The following WDR64 variants were observed in gnomAD, a reference collection of about 807,000 sequenced individuals.
The protein encoded by WDR64 is WD repeat-containing protein 64.
WDR64 carries 112 observed loss-of-function variants against 139.3 expected under a neutral mutation model. The ratio of observed to expected loss-of-function variants is 0.80; its 90% CI spans 0.69 to 0.94. WDR64 has a LOEUF of 0.94. WDR64 is among the 40% of genes least tolerant of loss of function. WDR64 has a pLI of 0.00. For synonymous variants in WDR64, 444 were observed against 437.7 expected (o/e 1.01, Z -0.18); for missense variants, 1,206 against 1,293.1 (o/e 0.93, Z 1.03).
chr1:241,728,677 C>A (rs1356281279), intron 10 of WDR64, among the ~76,000 whole-genome samples: 1 of 152,140 alleles, frequency 6.6e-6, no homozygotes, highest in East Asian at 1.9e-4. Flanking sequence ...ATCTATTACA[C>A]CTGAAGAAGA....
chr1:241,740,859 C>T (rs1201105776), intron 11 of WDR64, among the ~76,000 whole-genome samples: 1 of 152,052 alleles, frequency 6.6e-6, no homozygotes, highest in Non-Finnish European at 1.5e-5. Context: ...TATTTCTAGA[C>T]ATTACACTAA....
intron 14 of WDR64, 64 bp from the exon 15 acceptor site, chr1:241,757,219 T>C: frequency 7.1e-7 from 1 of 1,412,816 alleles, no homozygotes; most frequent in Non-Finnish European, 9.5e-7. Flanking sequence ...TTTCTCTATC[T>C]CTTTAAAACA....
intron 21 of WDR64, 36 bp downstream of exon 21, chr1:241,775,246 T>C: frequency 1.3e-6 from 2 of 1,494,722 alleles, no homozygotes; most frequent in Non-Finnish European, 1.8e-6. Context: ...GTGACAGGTG[T>C]CTTAATAGCT....
intron 4 of WDR64, among the ~76,000 whole-genome samples, chr1:241,676,890 ATTATT>A (rs1234569586): frequency 6.6e-6 from 1 of 152,098 alleles, no homozygotes; most frequent in African/African-American, 2.4e-5. Context: ...CCCAAAATTA[ATTATT>A]TTAAGATTTA....
chr1:241,790,870 T>C (rs1659195650), intron 25 of WDR64, among the ~76,000 whole-genome samples, 174 bp downstream of exon 25: 1 of 152,142 alleles, frequency 6.6e-6, no homozygotes. Flanking sequence ...CTCCCAATTT[T>C]GGAGGCCAAA....
Position 241,703,311 on chromosome 1 carries a change from G to GA in WDR64, c.975-8485dup, listed in dbSNP as rs1558480688. 6.6e-6 allele frequency among the ~76,000 whole-genome samples: 1 copy of GA among 151,932 alleles called. No individual in the cohort carries two copies. The highest frequency in any genetic ancestry group is 1.5e-5 in the Non-Finnish European group (1 of 67,978). The stretch of plus-strand genomic sequence containing the variant: ...CCCTATCGTGTAACACATGCCCCCT[G>GA]AAAAAAGTCACCCCTTTACCTTCTA... On this transcript the variant is annotated intron_variant, in intron 8 of 27. Transcript: ENST00000437684. This position sits in a 1 kb window ranked among gnomAD's most constrained non-coding sequence, Gnocchi z 5.9.
At chr1:241,788,319 T>C (rs979368665) in intron 24 of WDR64, among the ~76,000 whole-genome samples, 5 of 152,268 alleles carry the variant, frequency 3.3e-5, no homozygotes, top group African/African-American at 1.2e-4. Context: ...CTTAAAGGCA[T>C]AGGGGAGGAA....
Position 241,795,282 on chromosome 1 carries a change from T to A in WDR64, c.3073T>A (p.Tyr1025Asn). ...GATTGTTTTCGGCTCTCTGCCTATA[T>A]ACAGTGTGAGTTGGAGTTTCTAGGA... Reference protein sequence around the residue: ...AGIVFGSLPIYSISSPTSLRF... With the variant: ...AGIVFGSLPINSISSPTSLRF... Residue 1025 changes from tyrosine (Y) to asparagine (N), a missense_variant, in exon 26 of 28, where the codon TAC (tyrosine) becomes AAC (asparagine). Transcript: ENST00000437684. 1 of 1,612,900 alleles carries A rather than the reference T, an allele frequency of 6.2e-7. No individual in the cohort carries two copies. Among genetic ancestry groups the A allele is most frequent in the Non-Finnish European group, 8.5e-7 (1 of 1,179,312 alleles).
At chr1:241,774,222 A>T (rs925727085) in intron 20 of WDR64, among the ~76,000 whole-genome samples, 1 of 152,220 alleles carries the variant, frequency 6.6e-6, no homozygotes, top group Admixed American at 6.5e-5. Flanking sequence ...AGATAATGGG[A>T]TCCAACAACA....
intron 14 of WDR64, among the ~76,000 whole-genome samples, chr1:241,754,670 A>ATCAACCCG (rs1476770136): frequency 4.6e-5 from 7 of 152,020 alleles, no homozygotes; most frequent in Non-Finnish European, 1.0e-4. Context: ...TGCTGCACCC[A>ATCAACCCG]TCAACCCGTC....
chr1:241,665,984 A>C (rs1410682138), intron 2 of WDR64, among the ~76,000 whole-genome samples: 1 of 152,200 alleles, frequency 6.6e-6, no homozygotes, highest in African/African-American at 2.4e-5. Context: ...AATAAGCTGC[A>C]TGCAGGTTTT....
chr1:241,784,851 G>A (rs1658976118), intron 23 of WDR64, among the ~76,000 whole-genome samples: 1 of 144,544 alleles, frequency 6.9e-6, no homozygotes, highest in Non-Finnish European at 1.6e-5. Flanking sequence ...CTACTTGGGA[G>A]GCTGAGGCAA....
chr1:241,657,541 G>A (rs1665655826), intron 1 of WDR64, among the ~76,000 whole-genome samples: 1 of 152,064 alleles, frequency 6.6e-6, no homozygotes, highest in Admixed American at 6.6e-5. Context: ...GCAGCCACAG[G>A]CCTTCGTGTT....
intron 2 of WDR64, among the ~76,000 whole-genome samples, chr1:241,662,199 C>G (rs1665858294): frequency 6.6e-6 from 1 of 152,166 alleles, no homozygotes; most frequent in Non-Finnish European, 1.5e-5. Context: ...ATAAATTTAG[C>G]AATGAGAAGA....
intron 10 of WDR64, among the ~76,000 whole-genome samples, chr1:241,730,767 T>A (rs542620895): frequency 6.6e-6 from 1 of 152,206 alleles, no homozygotes; most frequent in Non-Finnish European, 1.5e-5. Flanking sequence ...TTTGATGTAA[T>A]CTTTGTCAAA....
chr1:241,682,810 A>G (rs1183273838), intron 6 of WDR64, among the ~76,000 whole-genome samples: 2 of 152,308 alleles, frequency 1.3e-5, no homozygotes, highest in East Asian at 3.9e-4. Flanking sequence ...GAGCACTATA[A>G]TTTATTTCCT....
chr1:241,731,795 T>C (rs1669091494), intron 10 of WDR64, among the ~76,000 whole-genome samples: 1 of 152,190 alleles, frequency 6.6e-6, no homozygotes, highest in Admixed American at 6.5e-5. Flanking sequence ...GAAAACAAGA[T>C]GATAAAATTA....
At chr1:241,715,497 G>A (rs1668368752) in intron 9 of WDR64, among the ~76,000 whole-genome samples, 1 of 152,174 alleles carries the variant, frequency 6.6e-6, no homozygotes, top group Non-Finnish European at 1.5e-5. Context: ...TGGTGTGAGA[G>A]ATAAAGCAGC....
intron 5 of WDR64, 36 bp downstream of exon 5, chr1:241,678,252 G>C: frequency 2.5e-6 from 1 of 398,766 alleles, no homozygotes; most frequent in East Asian, 3.6e-5. Flanking sequence ...TTAAGTCAAA[G>C]TTAGGGCTAT....
Sources: allele counts gnomAD v4.1 joint callset (sites outside exome capture counted in the v4.1 genomes callset), GRCh38; gene constraint gnomAD v4.1.1; non-coding constraint Gnocchi (gnomAD v3.1); transcripts MANE v1.5; gene names NCBI Gene and HGNC (gene_info 2026-07-23, HGNC 2026-07-21).